The following NRG3 variants were observed in gnomAD, a reference collection of about 807,000 sequenced individuals.
NRG3 encodes the protein pro-neuregulin-3, membrane-bound isoform.
Under a neutral mutation model 66.9 loss-of-function variants are expected in NRG3, and 31 were observed. That is an observed-to-expected ratio of 0.46 (90% confidence interval 0.35 to 0.63). NRG3 has a LOEUF of 0.63. Ranked by LOEUF, NRG3 falls within the 20% of genes least tolerant of loss-of-function variation. The pLI, the probability that NRG3 is intolerant of heterozygous loss-of-function variation, is 0.00. For missense variants in NRG3, 910 were observed against 878.9 expected (o/e 1.04, Z -0.45); for synonymous variants, 393 against 359.4 (o/e 1.09, Z -1.06).
At chr10:82,610,651 C>T (rs2048256472) in intron 2 of NRG3, among the ~76,000 whole-genome samples, 1 of 152,068 alleles carries the variant, frequency 6.6e-6, no homozygotes, top group African/African-American at 2.4e-5. Flanking sequence ...AATGACTTAG[C>T]ATCTTAAAAA....
chr10:82,203,652 A>G (rs1020326906), intron 1 of NRG3, among the ~76,000 whole-genome samples: 8 of 152,204 alleles, frequency 5.3e-5, no homozygotes, highest in African/African-American at 1.7e-4. Flanking sequence ...CAAAATTAGT[A>G]CATTATAATA....
intron 1 of NRG3, among the ~76,000 whole-genome samples, chr10:82,144,420 T>C (rs897940704): frequency 6.6e-6 from 1 of 152,200 alleles, no homozygotes; most frequent in Non-Finnish European, 1.5e-5. Context: ...CTGTGTATTA[T>C]CATAGGCAAC....
chr10:82,192,742 T>C (rs1004158501), intron 1 of NRG3, among the ~76,000 whole-genome samples: 1 of 152,144 alleles, frequency 6.6e-6, no homozygotes, highest in African/African-American at 2.4e-5. Flanking sequence ...AAGAGAGGCA[T>C]GAAGCTTAAA....
intron 8 of NRG3, among the ~76,000 whole-genome samples, chr10:82,980,464 T>C (rs1199866111): frequency 6.6e-6 from 1 of 152,202 alleles, no homozygotes; most frequent in Non-Finnish European, 1.5e-5. Flanking sequence ...GCTCTGTTTT[T>C]ATCTCTCTGA....
chr10:82,621,705 C>T (rs138659260), intron 2 of NRG3, among the ~76,000 whole-genome samples: 8 of 152,286 alleles, frequency 5.3e-5, no homozygotes, highest in African/African-American at 1.9e-4. Flanking sequence ...CCTTACTAAC[C>T]TGCTTTTGTG....
intron 2 of NRG3, among the ~76,000 whole-genome samples, chr10:82,424,742 AT>A (rs1467859942): frequency 6.6e-6 from 1 of 151,902 alleles, no homozygotes; most frequent in Non-Finnish European, 1.5e-5. Context: ...ATTTACTCCT[AT>A]GCTTCTTTTA....
chr10:82,313,130 G>T (rs1010471157), intron 1 of NRG3, among the ~76,000 whole-genome samples: 2 of 151,808 alleles, frequency 1.3e-5, no homozygotes, highest in Non-Finnish European at 2.9e-5. Flanking sequence ...GTGAACCGAG[G>T]TTGCGCCACT....
intron 1 of NRG3, among the ~76,000 whole-genome samples, chr10:82,010,373 A>G (rs7897045): frequency 0.031 from 4,652 of 152,232 alleles, 251 homozygotes; most frequent in African/African-American, 0.11. Flanking sequence ...CTTTGTGAGA[A>G]AGTTTTCTGC....
At chr10:82,352,883 GGT>G (rs1491442025) in intron 1 of NRG3, among the ~76,000 whole-genome samples, 1 of 134,094 alleles carries the variant, frequency 7.5e-6, no homozygotes. Flanking sequence ...ATTGCTATGT[GGT>G]TTTTTTTTTT....
At chr10:82,203,454 A>G (rs924566495) in intron 1 of NRG3, among the ~76,000 whole-genome samples, 1 of 152,146 alleles carries the variant, frequency 6.6e-6, no homozygotes, top group African/African-American at 2.4e-5. Context: ...GAATTACAGG[A>G]TGTAGTCACT....
chr10:82,656,585 C>T (rs547711722), intron 2 of NRG3, among the ~76,000 whole-genome samples: 6 of 152,118 alleles, frequency 3.9e-5, no homozygotes, highest in Admixed American at 2.0e-4. Flanking sequence ...GTTCTCTAGC[C>T]CTCATTTCCC....
chr10:82,721,065 T>C (rs118018672), intron 2 of NRG3, among the ~76,000 whole-genome samples: 1 of 150,608 alleles, frequency 6.6e-6, no homozygotes, highest in Non-Finnish European at 1.5e-5. Context: ...TTTGCTTTTT[T>C]ATTTTTATTT....
At chr10:82,091,227 T>C (rs1291857691) in intron 1 of NRG3, among the ~76,000 whole-genome samples, 1 of 152,184 alleles carries the variant, frequency 6.6e-6, no homozygotes, top group Admixed American at 6.5e-5. Flanking sequence ...ACATTCACAA[T>C]GTCGCGTAAC....
rs187873346 is a variant in NRG3 at position 82,742,483 on chromosome 10, T to C, written c.1027+3833T>C. 4.4e-4 allele frequency among the ~76,000 whole-genome samples: 67 copies of C among 152,190 alleles called. 1 individual carries two copies. Among genetic ancestry groups the C allele is most frequent in the Middle Eastern group, 3.4e-3 (1 of 294 alleles). On this transcript the variant is annotated intron_variant, in intron 3 of 8. Coordinates refer to ENST00000372141, the MANE Select transcript of NRG3 (RefSeq NM_001010848.4). ...TTATAAAGTGTGTCAGTGACAGTTT[T>C]TGTAAATATATCTAATGCACCAATC...
At chr10:82,487,578 A>G (rs1482537396) in intron 2 of NRG3, among the ~76,000 whole-genome samples, 2 of 152,170 alleles carry the variant, frequency 1.3e-5, no homozygotes, top group African/African-American at 2.4e-5. Context: ...TGCTAATTTT[A>G]CTTTCATGTG....
intron 3 of NRG3, among the ~76,000 whole-genome samples, chr10:82,806,751 T>C (rs1258555492): frequency 2.6e-5 from 4 of 152,164 alleles, no homozygotes; most frequent in Non-Finnish European, 5.9e-5. Context: ...TAGATGACAG[T>C]CTGATGGGGG....
intron 2 of NRG3, among the ~76,000 whole-genome samples, chr10:82,650,308 A>G (rs964380243): frequency 1.3e-5 from 2 of 152,222 alleles, no homozygotes; most frequent in Non-Finnish European, 2.9e-5. Context: ...TAAGGAGGAT[A>G]CTGGCCCTGG....
intron 1 of NRG3, among the ~76,000 whole-genome samples, chr10:82,251,603 C>T (rs1343327407): frequency 6.6e-6 from 1 of 152,100 alleles, no homozygotes; most frequent in Non-Finnish European, 1.5e-5. Context: ...GATCCTGGTG[C>T]CGCTCCTGAC....
intron 2 of NRG3, among the ~76,000 whole-genome samples, chr10:82,495,494 C>T (rs960150342): frequency 6.6e-6 from 1 of 151,966 alleles, no homozygotes; most frequent in Non-Finnish European, 1.5e-5. Flanking sequence ...ATTTACCCAA[C>T]TAGGTCTCAC....
Sources: gnomAD v4.1 joint callset for allele counts (sites outside exome capture counted in the v4.1 genomes callset) on GRCh38, gnomAD v4.1.1 for gene constraint, MANE v1.5 for transcripts, NCBI Gene and HGNC (gene_info 2026-07-23, HGNC 2026-07-21) for gene names.